SRRM1: variants seen among roughly 807,000 people sequenced by gnomAD.
The protein encoded by SRRM1 is serine and arginine repetitive matrix 1, also known as serine/arginine repetitive matrix protein 1.
SRRM1 carries 19 observed loss-of-function variants against 110.2 expected under a neutral mutation model. The ratio of observed to expected loss-of-function variants is 0.17; its 90% CI spans 0.12 to 0.25. SRRM1 has a LOEUF of 0.25. Ranked by LOEUF, SRRM1 falls within the 10% of genes least tolerant of loss-of-function variation. The probability of loss-of-function intolerance (pLI) is 1.00; values close to 1 mark genes in which losing one functional copy is unlikely to be tolerated. For missense variants in SRRM1, 918 were observed against 1,145.8 expected (o/e 0.80, Z 2.87); for synonymous variants, 443 against 414.9 (o/e 1.07, Z -0.82).
Position 24,666,903 on chromosome 1 carries a change from C to T in SRRM1, c.1717C>T (p.Pro573Ser). The change falls in exon 13 of 17, where the codon CCC becomes TCC. Residue 573 changes from proline to serine, a missense_variant. Coordinates refer to ENST00000323848, the MANE Select transcript of SRRM1 (RefSeq NM_005839.4). ...PAPPPRRRRT[P>S]TPPPRRRTPS... ...CCCTCCTCCTCGACGGCGCAGGACTCCCACACCACCACCACGACGAAGGTA... is the reference window on the plus strand; with the variant it reads ...CCCTCCTCCTCGACGGCGCAGGACTTCCACACCACCACCACGACGAAGGTA... The T allele has an allele frequency of 6.2e-7, 1 of 1,609,224 alleles. No homozygotes were observed. The highest frequency in any genetic ancestry group is 1.3e-5 in the African/African-American group (1 of 74,532).
intron 8 of SRRM1, among the ~76,000 whole-genome samples, chr1:24,653,918 T>G (rs76303479): frequency 0.034 from 5,165 of 152,334 alleles, 138 homozygotes; most frequent in Middle Eastern, 0.11. Flanking sequence ...AAGTAAGCTC[T>G]GTAAAGTTAC....
At chr1:24,648,739 T>C (rs1377974949) in intron 3 of SRRM1, 120 bp from the exon 4 acceptor site, 1 of 783,394 alleles carries the variant, frequency 1.3e-6, no homozygotes, top group Non-Finnish European at 2.0e-6. Context: ...ACTATATATA[T>C]GTCTAAGCCC....
At chr1:24,656,922 G>C (rs1488418306) in intron 9 of SRRM1, among the ~76,000 whole-genome samples, 1 of 152,214 alleles carries the variant, frequency 6.6e-6, no homozygotes, top group Admixed American at 6.5e-5. Context: ...TAGGAAAGAA[G>C]TAAGCCATGG....
intron 12 of SRRM1, among the ~76,000 whole-genome samples, chr1:24,664,094 C>G (rs978056147): frequency 1.4e-5 from 2 of 142,666 alleles, no homozygotes; most frequent in African/African-American, 2.6e-5. Flanking sequence ...TTTGTAGGTT[C>G]AAACGATTCT....
intron 6 of SRRM1, among the ~76,000 whole-genome samples, chr1:24,652,029 A>AATTATATAT (rs1661022191): frequency 1.3e-5 from 1 of 79,846 alleles, no homozygotes; most frequent in Non-Finnish European, 2.6e-5. Context: ...CTGTACTAAA[A>AATTATATAT]ATATATATAT....
At chr1:24,652,029 A>ATATATATATATATATATATAT (rs1661006949) in intron 6 of SRRM1, among the ~76,000 whole-genome samples, 1 of 79,844 alleles carries the variant, frequency 1.3e-5, no homozygotes, top group Admixed American at 1.4e-4. Flanking sequence ...CTGTACTAAA[A>ATATATATATATATATATATAT]ATATATATAT....
At chr1:24,646,173 A>G in intron 2 of SRRM1, 100 bp downstream of exon 2, 1 of 869,256 alleles carries the variant, frequency 1.2e-6, no homozygotes, top group Non-Finnish European at 1.9e-6. Flanking sequence ...GAATGCTAAG[A>G]AAAACATAAT....
At position 24,662,818 on chromosome 1, in the gene SRRM1, T is replaced by C. The variant is rs41268777; in HGVS notation, c.1628+14T>C. 3.3e-4 allele frequency: 529 copies of C among 1,613,642 alleles called. No homozygotes were observed. Among genetic ancestry groups the C allele is most frequent in the Non-Finnish European group, 4.3e-4 (504 of 1,179,706 alleles). On this transcript the variant is annotated intron_variant, in intron 12 of 16. Transcript: ENST00000323848. The stretch of plus-strand genomic sequence containing the variant: ...GACTTCCCCTCGGTAACATCTTTGC[T>C]TCAGTGATGTTCACTGATGTTCTGT...
chr1:24,655,932 T>C (rs1163028592), intron 9 of SRRM1, among the ~76,000 whole-genome samples: 3 of 152,274 alleles, frequency 2.0e-5, no homozygotes, highest in Middle Eastern at 3.4e-3. Context: ...GGGGTTATTA[T>C]GATCATATTG....
In SRRM1 at chr1:24,669,350, TATC is replaced by T. The variant is rs1187729427; in HGVS notation, c.1971_1973del (p.Ser658del). ...GTCACCAAGAGACGTTCACCTTCAT[TATC>T]ATCCAAGCATAGGAAAGGGTCTTCC... is the stretch of plus-strand genomic sequence containing the variant. On this transcript the variant is annotated inframe_deletion, in exon 14 of 17. Transcript: ENST00000323848. The T allele has an allele frequency of 6.2e-7, 1 of 1,613,998 alleles. No homozygotes were observed. Among genetic ancestry groups the T allele is most frequent in the South Asian group, 1.1e-5 (1 of 91,072 alleles).
intron 11 of SRRM1, 144 bp from the exon 12 acceptor site, chr1:24,662,516 A>G (rs1667786546): frequency 1.6e-6 from 1 of 630,548 alleles, no homozygotes; most frequent in African/African-American, 1.8e-5. Context: ...TTGATCATAT[A>G]TTGATAATGA....
At chr1:24,659,787 GGTA>G (rs1451439802) in intron 9 of SRRM1, among the ~76,000 whole-genome samples, 1 of 152,142 alleles carries the variant, frequency 6.6e-6, no homozygotes, top group Non-Finnish European at 1.5e-5. Flanking sequence ...GCTTACAAAA[GGTA>G]GTTACCATAT....
Position 24,671,328 on chromosome 1 carries a change from G to T in SRRM1, c.2401-58G>T. 4.8e-6 allele frequency: 7 copies of T among 1,461,822 alleles called. No individual in the cohort carries two copies. In the South Asian group the frequency reaches 5.2e-5, roughly 11 times the overall value. The allele number at this position is 1,461,822 out of a possible 1,614,324, so 90.6% of individuals were successfully genotyped here. ...TTTGAGGAAATAAAATGTTCAGTTG[G>T]ACAGAATATTAATCAGATTGATTAT... On this transcript the variant is annotated intron_variant, in intron 15 of 16. Coordinates refer to ENST00000323848, the MANE Select transcript of SRRM1 (RefSeq NM_005839.4).
At position 24,661,092 on chromosome 1, in the gene SRRM1, A is replaced by AC. The variant is rs546307815; in HGVS notation, c.1397-216dup. On this transcript the variant is annotated intron_variant, in intron 10 of 16. Coordinates refer to ENST00000323848, the MANE Select transcript of SRRM1 (RefSeq NM_005839.4). ...TTGTAAAATGCTTGGCACCAGCCTG[A>AC]CCTGTAGTAAATGCCTAAATAAATT... is the stretch of plus-strand genomic sequence containing the variant. 9.3e-5 allele frequency: 51 copies of AC among 546,822 alleles called. No individual in the cohort carries two copies. The Admixed American group carries it at 1.3e-3, about 14-fold the overall frequency. 33.9% of individuals were successfully genotyped at this position (546,822 alleles called of 1,614,324 possible). A position where few individuals can be genotyped will look rare whatever the true frequency, so the allele number is the denominator to read the frequency against.
intron 9 of SRRM1, among the ~76,000 whole-genome samples, chr1:24,659,492 C>A (rs748470448): frequency 7.2e-5 from 11 of 152,126 alleles, no homozygotes; most frequent in Middle Eastern, 3.2e-3. Flanking sequence ...GGGATGTTCT[C>A]AAGTGGTGTT....
chr1:24,649,094 A>G, intron 4 of SRRM1, 65 bp downstream of exon 4: 3 of 1,441,520 alleles, frequency 2.1e-6, no homozygotes, highest in Middle Eastern at 3.8e-4. Context: ...GAGACACCTT[A>G]GGTAGTATAT....
At chr1:24,666,964 C>A in intron 13 of SRRM1, 39 bp downstream of exon 13, 1 of 1,241,294 alleles carries the variant, frequency 8.1e-7, no homozygotes, top group Non-Finnish European at 1.1e-6. Flanking sequence ...ATCTCCCCAA[C>A]TCCCCCCGCC....
At chr1:24,649,887 T>C in intron 4 of SRRM1, 84 bp from the exon 5 acceptor site, 7 of 1,202,628 alleles carry the variant, frequency 5.8e-6, no homozygotes, top group Non-Finnish European at 7.9e-6. Context: ...ATAATAGCAT[T>C]GGTGTTTAAC....
At chr1:24,649,939 CTA>C (rs552349008) in intron 4 of SRRM1, 30 bp from the exon 5 acceptor site, 129 of 1,524,172 alleles carry the variant, frequency 8.5e-5, no homozygotes, top group African/African-American at 6.3e-4. Context: ...AAATGTTCAA[CTA>C]TGTGTATTTT....
Sources: gnomAD v4.1 joint callset for allele counts (sites outside exome capture counted in the v4.1 genomes callset) on GRCh38, gnomAD v4.1.1 for gene constraint, MANE v1.5 for transcripts, NCBI Gene and HGNC (gene_info 2026-07-23, HGNC 2026-07-21) for gene names.